Variants in IL7 observed in about 807,000 individuals in gnomAD.
IL7 encodes the protein interleukin 7, also known as interleukin-7.
A neutral mutation model predicts 21.6 loss-of-function variants in IL7; 3 were observed. The observed-to-expected ratio is 0.14, with a 90% CI of 0.06 to 0.36. The LOEUF is 0.36. Ranked by LOEUF, IL7 falls within the 10% of genes least tolerant of loss-of-function variation. The pLI is 1.00. For synonymous variants in IL7, 62 were observed against 68.1 expected, an observed-to-expected ratio of 0.91 and a Z score of 0.44; for missense variants, 175 against 200.2, an observed-to-expected ratio of 0.87 and a Z score of 0.76.
intron 2 of IL7, among the ~76,000 whole-genome samples, chr8:78,776,600 A>C (rs1257410735): frequency 6.6e-6 from 1 of 152,090 alleles, no homozygotes; most frequent in East Asian, 1.9e-4. Context: ...TAAGGATGTG[A>C]GATAGGAAAT....
chr8:78,788,567 T>A (rs1813586660), intron 2 of IL7, among the ~76,000 whole-genome samples: 1 of 152,210 alleles, frequency 6.6e-6, no homozygotes, highest in East Asian at 1.9e-4. Flanking sequence ...TCTACTTCAA[T>A]TACATTTTGG....
At chr8:78,686,599 T>C in intron 3 of IL7, 1 of 1,513,974 alleles carries the variant, frequency 6.6e-7, no homozygotes, top group Non-Finnish European at 8.8e-7. Context: ...TCCACCTTCT[T>C]ATGATCCTGG....
At chr8:78,792,477 A>G (rs1253152326) in intron 2 of IL7, among the ~76,000 whole-genome samples, 1 of 152,128 alleles carries the variant, frequency 6.6e-6, no homozygotes, top group East Asian at 1.9e-4. Context: ...CTATCAAGAA[A>G]ATAAAAAACA....
intron 3 of IL7, among the ~76,000 whole-genome samples, chr8:78,723,342 C>T (rs2130636771): frequency 6.6e-6 from 1 of 151,954 alleles, no homozygotes; most frequent in East Asian, 1.9e-4. Context: ...AAATCAGAAA[C>T]AATCATTAGC....
intron 5 of IL7, among the ~76,000 whole-genome samples, chr8:78,734,508 A>T (rs1811508395): frequency 6.6e-6 from 1 of 152,186 alleles, no homozygotes; most frequent in Non-Finnish European, 1.5e-5. Context: ...CACTTAGATA[A>T]CAACTAGTTG....
chr8:78,742,325 G>GA (rs1409163971), intron 2 of IL7, among the ~76,000 whole-genome samples: 4 of 151,312 alleles, frequency 2.6e-5, no homozygotes, highest in Non-Finnish European at 4.4e-5. Flanking sequence ...CTCTGTCTCA[G>GA]AAAAAAATAA....
At chr8:78,688,537 T>C (rs1404606416) in intron 3 of IL7, among the ~76,000 whole-genome samples, 2 of 152,186 alleles carry the variant, frequency 1.3e-5, no homozygotes, top group Non-Finnish European at 2.9e-5. Context: ...ATTTTTACAT[T>C]TATTCCCAGT....
chr8:78,786,032 C>CA (rs956410509), intron 2 of IL7, among the ~76,000 whole-genome samples: 5 of 151,916 alleles, frequency 3.3e-5, no homozygotes, highest in Middle Eastern at 3.2e-3. Context: ...TTTAGGTCCA[C>CA]AAAAAAATGA....
At chr8:78,690,021 A>C (rs973707219) in intron 3 of IL7, among the ~76,000 whole-genome samples, 3 of 152,032 alleles carry the variant, frequency 2.0e-5, no homozygotes, top group Admixed American at 6.6e-5. Flanking sequence ...TTCTATGTGG[A>C]TATTCTATTG....
rs199785447 is a variant in IL7 at position 78,768,207 on chromosome 8, T to C, written c.148-28125A>G. On this transcript the variant is annotated intron_variant, in intron 2 of 5. Transcript: ENST00000263851. ...TGGGTTGGTTCCAAGTCTTTGCTATTGTGAATAGTGCCACAATAAACATAC... is the reference window on the plus strand; with the variant it reads ...TGGGTTGGTTCCAAGTCTTTGCTATCGTGAATAGTGCCACAATAAACATAC... 1.2e-4 allele frequency among the ~76,000 whole-genome samples: 19 copies of C among 152,290 alleles called. No homozygotes were observed. The East Asian group carries it at 3.7e-3, about 29-fold the overall frequency.
downstream of IL7, among the ~76,000 whole-genome samples, chr8:78,728,576 A>T (rs1487818350): frequency 6.6e-6 from 1 of 152,098 alleles, no homozygotes; most frequent in Non-Finnish European, 1.5e-5. Flanking sequence ...TATGCATAAA[A>T]TGAAACTTGA....
rs200096220 is a variant in IL7 at position 78,697,437 on chromosome 8, T to C, written n.215-11490A>G. 5.0e-5 allele frequency: 80 copies of C among 1,604,622 alleles called. No individual in the cohort carries two copies. Among genetic ancestry groups the C allele is most frequent in the Non-Finnish European group, 6.5e-5 (77 of 1,177,366 alleles). Reference sequence around the variant, plus strand: ...GCCACCCGCACTTAAAAAGTCAAATTCTCCTGGAACTGCATCATCAGGATC... The same window carrying C: ...GCCACCCGCACTTAAAAAGTCAAATCCTCCTGGAACTGCATCATCAGGATC... On this transcript the variant is annotated intron_variant and non_coding_transcript_variant, in intron 3 of 4. Transcript: ENST00000523959.
At chr8:78,686,556 C>G (rs748293089) in intron 3 of IL7, 63 of 1,535,740 alleles carry the variant, frequency 4.1e-5, no homozygotes, top group Non-Finnish European at 5.2e-5. Context: ...TTGATCAGGC[C>G]CTCAAAGAGG....
At chr8:78,769,521 A>T (rs1293091383) in intron 2 of IL7, among the ~76,000 whole-genome samples, 2 of 152,212 alleles carry the variant, frequency 1.3e-5, no homozygotes. Context: ...ATCACTGCTC[A>T]ATGAAATAAA....
At chr8:78,694,534 G>A (rs1810334318) in intron 3 of IL7, among the ~76,000 whole-genome samples, 1 of 152,142 alleles carries the variant, frequency 6.6e-6, no homozygotes, top group Non-Finnish European at 1.5e-5. Flanking sequence ...GCAAATCCAT[G>A]TGATGTTCAG....
At chr8:78,801,441 A>C (rs1276625679) in intron 1 of IL7, among the ~76,000 whole-genome samples, 1 of 151,836 alleles carries the variant, frequency 6.6e-6, no homozygotes, top group African/African-American at 2.4e-5. Context: ...ATAAAAACAG[A>C]CTCTACTTGG....
At chr8:78,798,503 T>C (rs1813939913) in intron 1 of IL7, among the ~76,000 whole-genome samples, 1 of 152,022 alleles carries the variant, frequency 6.6e-6, no homozygotes, top group Admixed American at 6.5e-5. Flanking sequence ...TGTTAATCAA[T>C]TTGAATTTAT....
At chr8:78,687,604 A>G (rs3932062) in intron 3 of IL7, among the ~76,000 whole-genome samples, 127,154 of 129,214 alleles carry the variant, frequency 0.98, 62,778 homozygotes, top group East Asian at 1. Context: ...ATATATTTAC[A>G]TAATACATTA....
At chr8:78,792,077 C>T (rs944025878) in intron 2 of IL7, among the ~76,000 whole-genome samples, 1 of 152,064 alleles carries the variant, frequency 6.6e-6, no homozygotes, top group Non-Finnish European at 1.5e-5. Context: ...ACTGTCTGGT[C>T]CTGGCATAGG....
Sources: gnomAD v4.1 joint callset for allele counts (sites outside exome capture counted in the v4.1 genomes callset) on GRCh38, gnomAD v4.1.1 for gene constraint, MANE v1.5 for transcripts, NCBI Gene and HGNC (gene_info 2026-07-23, HGNC 2026-07-21) for gene names.